Variants in ADAM10 observed in about 807,000 individuals in gnomAD.
ADAM10 encodes the protein disintegrin and metalloproteinase domain-containing protein 10.
In ADAM10, 17 loss-of-function variants were observed where a neutral mutation model predicts 90.1. That is an observed-to-expected ratio of 0.19 (90% CI 0.13 to 0.28). The LOEUF (loss-of-function observed/expected upper bound fraction) is 0.28. Among genes scored for constraint, ADAM10 ranks in the 10% least tolerant of loss-of-function variants. The pLI is 1.00. For missense variants in ADAM10, 610 were observed against 914.3 expected, an observed-to-expected ratio of 0.67 and a Z score of 4.29; for synonymous variants, 310 against 298.6, an observed-to-expected ratio of 1.04 and a Z score of -0.40.
chr15:58,687,596 C>T (rs1483488764), intron 2 of ADAM10, among the ~76,000 whole-genome samples: 1 of 147,676 alleles, frequency 6.8e-6, no homozygotes. Context: ...AAAAAAAAGG[C>T]TCAAAAGGGT....
intron 3 of ADAM10, 22 bp downstream of exon 3, chr15:58,682,174 G>A: frequency 6.2e-7 from 1 of 1,609,192 alleles, no homozygotes; most frequent in Non-Finnish European, 8.5e-7. Flanking sequence ...GAAGAAAAGG[G>A]TTCTGTTAAG....
At chr15:58,617,669 G>A (rs1371749899) in intron 11 of ADAM10, among the ~76,000 whole-genome samples, 1 of 151,988 alleles carries the variant, frequency 6.6e-6, no homozygotes, top group Non-Finnish European at 1.5e-5. Flanking sequence ...AACCCTTAAA[G>A]CTCCACTGAA....
intron 5 of ADAM10, among the ~76,000 whole-genome samples, chr15:58,657,562 T>A (rs1051490408): frequency 9.2e-5 from 14 of 152,252 alleles, no homozygotes; most frequent in African/African-American, 3.4e-4. Context: ...CAATGTTTTT[T>A]AAATTTATCT....
chr15:58,677,123 G>A (rs193109463), intron 4 of ADAM10, among the ~76,000 whole-genome samples: 1 of 152,260 alleles, frequency 6.6e-6, no homozygotes, highest in East Asian at 1.9e-4. Context: ...GTCTAAATTT[G>A]CAAACATTAA....
In ADAM10 at chr15:58,596,515, A is replaced by G. The variant is rs192599028; in HGVS notation, c.*1032T>C. The G allele has an allele frequency of 6.5e-6, 1 of 152,776 alleles. No homozygotes were observed. Among genetic ancestry groups the G allele is most frequent in the Admixed American group, 6.5e-5 (1 of 15,306 alleles). 9.5% of individuals were successfully genotyped at this position (152,776 alleles called of 1,614,324 possible). A position where few individuals can be genotyped will look rare whatever the true frequency, so the allele number is the denominator to read the frequency against. On this transcript the variant is annotated 3_prime_UTR_variant, in exon 16 of 16. Coordinates refer to ENST00000260408, the MANE Select transcript of ADAM10 (RefSeq NM_001110.4). ...ATGATATGCTGAAAAAACCGTTTAA[A>G]TATTTTGATAAAGACACAGCTTTTC...
intron 2 of ADAM10, among the ~76,000 whole-genome samples, chr15:58,689,953 A>ACC (rs1897731836): frequency 3.1e-5 from 2 of 64,150 alleles, no homozygotes; most frequent in East Asian, 1.2e-3. Flanking sequence ...GACCCCCCCC[A>ACC]AAAAAAAAAA....
At chr15:58,718,840 G>A (rs1365515591) in intron 1 of ADAM10, among the ~76,000 whole-genome samples, 1 of 152,132 alleles carries the variant, frequency 6.6e-6, no homozygotes, top group Non-Finnish European at 1.5e-5. Context: ...GTGAACTCCA[G>A]CCACTTTGGT....
At chr15:58,599,811 G>C (rs1342105273) in intron 14 of ADAM10, 87 bp from the exon 15 acceptor site, 4 of 1,327,708 alleles carry the variant, frequency 3.0e-6, no homozygotes, top group Non-Finnish European at 4.2e-6. Context: ...ACATAGAATA[G>C]AACACAGTAT....
chr15:58,749,426 G>A, intron 1 of ADAM10, 54 bp downstream of exon 1: 1 of 1,491,870 alleles, frequency 6.7e-7, no homozygotes, highest in South Asian at 1.3e-5. Flanking sequence ...CGCTCGGCCC[G>A]GCCGCCGCTC....
At chr15:58,659,663 G>A (rs1896921485) in intron 5 of ADAM10, among the ~76,000 whole-genome samples, 1 of 152,100 alleles carries the variant, frequency 6.6e-6, no homozygotes. Context: ...CTGTAGCTTA[G>A]TTTTCTTGTA....
chr15:58,611,183 G>T, intron 12 of ADAM10, 76 bp from the exon 13 acceptor site: 2 of 1,025,140 alleles, frequency 2.0e-6, no homozygotes, highest in Non-Finnish European at 3.1e-6. Context: ...AGACAGGCAA[G>T]TATGAGCTTC....
At chr15:58,629,412 G>C (rs1896037158) in intron 9 of ADAM10, 1 of 152,158 alleles carries the variant, frequency 6.6e-6, no homozygotes. Context: ...AATAGAAGGG[G>C]AAACAGGTTG....
rs1458687820 is a variant in ADAM10, at chr15:58,595,582, T to C, written c.*1965A>G. On this transcript the variant is annotated 3_prime_UTR_variant, in exon 16 of 16. Coordinates refer to ENST00000260408, the MANE Select transcript of ADAM10 (RefSeq NM_001110.4). The stretch of plus-strand genomic sequence containing the variant: ...CTCATTTGTCTTGATCCTTTTATAT[T>C]ACCACATCTTGATTCGCAGTGGAAA... 6.6e-6 allele frequency: 1 copy of C among 152,162 alleles called. No individual in the cohort carries two copies. The highest frequency in any genetic ancestry group is 1.9e-4 in the East Asian group (1 of 5,196). The allele number at this position is 152,162 out of a possible 1,614,324, so 9.4% of individuals were successfully genotyped here.
intron 4 of ADAM10, among the ~76,000 whole-genome samples, chr15:58,673,755 G>C (rs1897251062): frequency 6.8e-6 from 1 of 147,968 alleles, no homozygotes; most frequent in Admixed American, 6.8e-5. Flanking sequence ...TTTTTTCTGA[G>C]ACAGAGTCTC....
intron 9 of ADAM10, 123 bp downstream of exon 9, chr15:58,633,073 C>T (rs1031292236): frequency 9.8e-6 from 9 of 922,496 alleles, no homozygotes; most frequent in Admixed American, 2.1e-5. Flanking sequence ...CATTACTGTG[C>T]TCTGACATAA....
chr15:58,734,843 T>C (rs374805429), intron 1 of ADAM10, among the ~76,000 whole-genome samples: 1 of 152,204 alleles, frequency 6.6e-6, no homozygotes, highest in Admixed American at 6.5e-5. Flanking sequence ...ATACTTCTTA[T>C]AGACAGAAAA....
At chr15:58,611,774 A>T (rs1395631429) in intron 12 of ADAM10, 34 bp downstream of exon 12, 2 of 1,603,230 alleles carry the variant, frequency 1.2e-6, no homozygotes, top group Non-Finnish European at 1.7e-6. Flanking sequence ...AGTTTTCTAA[A>T]ATTAAATTTT....
At chr15:58,616,483 T>C (rs1425348129) in intron 11 of ADAM10, among the ~76,000 whole-genome samples, 3 of 152,218 alleles carry the variant, frequency 2.0e-5, no homozygotes, top group Non-Finnish European at 4.4e-5. Context: ...AGGGGAACTT[T>C]AGAAACTGTA....
At chr15:58,606,006 T>A (rs1333505868) in intron 14 of ADAM10, among the ~76,000 whole-genome samples, 1 of 152,148 alleles carries the variant, frequency 6.6e-6, no homozygotes, top group African/African-American at 2.4e-5. Flanking sequence ...CTCAAGTCTC[T>A]TCAGACATAA....
Sources: allele counts gnomAD v4.1 joint callset (sites outside exome capture counted in the v4.1 genomes callset), GRCh38; gene constraint gnomAD v4.1.1; transcripts MANE v1.5; gene names NCBI Gene and HGNC (gene_info 2026-07-23, HGNC 2026-07-21).